The following PCNP variants were observed in gnomAD, a reference collection of about 807,000 sequenced individuals.
PCNP encodes PEST proteolytic signal containing nuclear protein, also known as PEST proteolytic signal-containing nuclear protein.
A neutral mutation model predicts 21.8 loss-of-function variants in PCNP; 6 were observed. That is an observed-to-expected ratio of 0.28 (90% CI 0.15 to 0.54). The LOEUF is 0.54. Among genes scored for constraint, PCNP ranks in the 20% least tolerant of loss-of-function variants. The probability of loss-of-function intolerance (pLI) is 0.95; values close to 1 mark genes in which losing one functional copy is unlikely to be tolerated. For missense variants in PCNP, 161 were observed against 215.5 expected (o/e 0.75, Z 1.58); for synonymous variants, 67 against 73.2 (o/e 0.92, Z 0.43).
chr3:101,575,477 T>C (rs907066234), intron 1 of PCNP, among the ~76,000 whole-genome samples: 5 of 151,022 alleles, frequency 3.3e-5, no homozygotes, highest in Admixed American at 6.6e-5. Context: ...CCACCCCCTG[T>C]CTTTTTTTTT....
chr3:101,587,582 A>G (rs1163657152), intron 3 of PCNP, among the ~76,000 whole-genome samples: 1 of 151,676 alleles, frequency 6.6e-6, no homozygotes, highest in Non-Finnish European at 1.5e-5. Context: ...ATAAAAATCG[A>G]AAGTATCTGA....
chr3:101,574,671 C>A (rs1427897929), intron 1 of PCNP, among the ~76,000 whole-genome samples: 1 of 152,094 alleles, frequency 6.6e-6, no homozygotes, highest in East Asian at 1.9e-4. Context: ...ACATAACATA[C>A]ACACAGTGCG....
chr3:101,592,599 T>G, intron 4 of PCNP, 28 bp from the exon 5 acceptor site: 3 of 1,564,904 alleles, frequency 1.9e-6, no homozygotes, highest in Non-Finnish European at 2.6e-6. Flanking sequence ...TATAACATTT[T>G]AAATAAATTT....
intron 3 of PCNP, among the ~76,000 whole-genome samples, chr3:101,586,170 CAAAAAAAAAAA>C (rs10529220): frequency 3.6e-4 from 35 of 97,548 alleles, no homozygotes; most frequent in African/African-American, 6.3e-4. Context: ...GTCTCTGTCT[CAAAAAAAAAAA>C]AAAAAAAAAA....
chr3:101,584,628 G>A (rs944570108), intron 2 of PCNP, among the ~76,000 whole-genome samples: 3 of 152,080 alleles, frequency 2.0e-5, no homozygotes, highest in African/African-American at 4.8e-5. Flanking sequence ...GCAGTGGCGT[G>A]ATCTCACCTC....
chr3:101,575,808 G>A (rs1934847896), intron 1 of PCNP, among the ~76,000 whole-genome samples: 1 of 152,168 alleles, frequency 6.6e-6, no homozygotes, highest in Admixed American at 6.5e-5. Flanking sequence ...CATTCTTTCA[G>A]TTGAGGGTTA....
At chr3:101,576,608 G>C in intron 1 of PCNP, 2 of 1,611,312 alleles carry the variant, frequency 1.2e-6, no homozygotes, top group Non-Finnish European at 1.7e-6. Context: ...ATCTTCTTCA[G>C]TCGCTCCAGG....
chr3:101,579,174 T>TA (rs1476102947), intron 1 of PCNP, among the ~76,000 whole-genome samples: 1 of 152,014 alleles, frequency 6.6e-6, no homozygotes, highest in Non-Finnish European at 1.5e-5. Flanking sequence ...AAACAGGTAA[T>TA]AACCAAATTG....
intron 4 of PCNP, among the ~76,000 whole-genome samples, 169 bp from the exon 5 acceptor site, chr3:101,592,458 G>A (rs1364863006): frequency 6.6e-6 from 1 of 152,170 alleles, no homozygotes. Flanking sequence ...ACAGGTATCA[G>A]CACCATGCCT....
chr3:101,574,641 A>G (rs1457645071), intron 1 of PCNP, among the ~76,000 whole-genome samples: 1 of 152,150 alleles, frequency 6.6e-6, no homozygotes, highest in African/African-American at 2.4e-5. Context: ...CAAAACACAC[A>G]CACCGGAGAC....
chr3:101,576,391 C>G (rs1208668173), intron 1 of PCNP: 3 of 974,488 alleles, frequency 3.1e-6, no homozygotes, highest in African/African-American at 1.6e-5. Flanking sequence ...CGGGCCACCA[C>G]GCCCAGCTAA....
At chr3:101,584,716 C>T (rs1239850975) in intron 2 of PCNP, among the ~76,000 whole-genome samples, 2 of 152,168 alleles carry the variant, frequency 1.3e-5, no homozygotes, top group Admixed American at 1.3e-4. Context: ...AGGCACTCAC[C>T]ACCACACCTG....
Position 101,576,892 on chromosome 3 carries a change from T to G in PCNP, c.64+2613T>G. 4 of 1,606,100 alleles carry G rather than the reference T, an allele frequency of 2.5e-6. No individual in the cohort carries two copies. The South Asian group carries it at 4.4e-5, about 18-fold the overall frequency. ...GGCTATTTTCCGCTGCCCATCGATG[T>G]TGGTGTTGAGTACTCGCAAAATATG... On this transcript the variant is annotated intron_variant, in intron 1 of 4. Transcript: ENST00000265260.
intron 3 of PCNP, among the ~76,000 whole-genome samples, chr3:101,587,569 A>C (rs1472909826): frequency 6.6e-6 from 1 of 151,818 alleles, no homozygotes; most frequent in East Asian, 1.9e-4. Context: ...AAAACAGTAC[A>C]AGATAAAAAT....
intron 3 of PCNP, among the ~76,000 whole-genome samples, chr3:101,588,273 A>G (rs1381936421): frequency 2.0e-5 from 3 of 152,162 alleles, no homozygotes; most frequent in Non-Finnish European, 2.9e-5. Context: ...TCCATCTCCA[A>G]AAAAAATGAA....
chr3:101,577,957 C>T (rs1166752882), intron 1 of PCNP, among the ~76,000 whole-genome samples: 1 of 152,142 alleles, frequency 6.6e-6, no homozygotes, highest in African/African-American at 2.4e-5. Context: ...ATTTTATTTG[C>T]TCAGAGTACA....
At chr3:101,591,573 T>C (rs1935807924) in intron 4 of PCNP, among the ~76,000 whole-genome samples, 1 of 152,188 alleles carries the variant, frequency 6.6e-6, no homozygotes, top group African/African-American at 2.4e-5. Flanking sequence ...CATATATTAA[T>C]ATAGTTAAAC....
chr3:101,580,055 T>G, intron 2 of PCNP, 51 bp downstream of exon 2: 1 of 1,349,230 alleles, frequency 7.4e-7, no homozygotes, highest in Non-Finnish European at 1.1e-6. Context: ...AAGGATTTGC[T>G]TTGGAAACGT....
chr3:101,576,417 T>A, intron 1 of PCNP: 1 of 1,208,246 alleles, frequency 8.3e-7, no homozygotes, highest in Non-Finnish European at 1.1e-6. Flanking sequence ...GTATTTTTAT[T>A]TTTTATTTTT....
Sources: gnomAD v4.1 joint callset for allele counts (sites outside exome capture counted in the v4.1 genomes callset) on GRCh38, gnomAD v4.1.1 for gene constraint, MANE v1.5 for transcripts, NCBI Gene and HGNC (gene_info 2026-07-23, HGNC 2026-07-21) for gene names.